The following SLC4A4 variants were observed in gnomAD, a reference collection of about 807,000 sequenced individuals.
The protein encoded by SLC4A4 is electrogenic sodium bicarbonate cotransporter 1.
Under a neutral mutation model 111.5 loss-of-function variants are expected in SLC4A4, and 27 were observed. That is an observed-to-expected ratio of 0.24 (90% confidence interval 0.18 to 0.33). SLC4A4 has a LOEUF of 0.33. Among genes scored for constraint, SLC4A4 ranks in the 10% least tolerant of loss-of-function variants. The probability of loss-of-function intolerance (pLI) is 1.00; values close to 1 mark genes in which losing one functional copy is unlikely to be tolerated. For missense variants in SLC4A4, 909 were observed against 1,315.5 expected, an observed-to-expected ratio of 0.69 and a Z score of 4.78; for synonymous variants, 443 against 463.4, an observed-to-expected ratio of 0.96 and a Z score of 0.57.
At chr4:71,423,670 C>T (rs1476747042) in intron 7 of SLC4A4, among the ~76,000 whole-genome samples, 3 of 152,080 alleles carry the variant, frequency 2.0e-5, no homozygotes, top group African/African-American at 4.8e-5. Context: ...AGAACAGAGC[C>T]CTCAGAAATA....
chr4:71,207,267 A>G (rs970387604), intron 1 of SLC4A4, among the ~76,000 whole-genome samples: 1 of 152,188 alleles, frequency 6.6e-6, no homozygotes, highest in African/African-American at 2.4e-5. Flanking sequence ...GATTTGTTTT[A>G]TTGACACTAG....
Position 71,497,541 on chromosome 4 carries a change from A to G in SLC4A4, c.2015A>G (p.Lys672Arg), listed in dbSNP as rs764309534. The change falls in exon 16 of 26, where the codon AAG (lysine) becomes AGG (arginine). Residue 672 changes from lysine (K) to arginine (R), a missense_variant. Coordinates refer to ENST00000264485, the MANE Select transcript of SLC4A4 (RefSeq NM_001098484.3). ...TTTGACTGGGCATTTTTGTCGAAGAAGGAGTGTTCAAAATACGGAGGAAAC... is the reference window on the plus strand; with the variant it reads ...TTTGACTGGGCATTTTTGTCGAAGAGGGAGTGTTCAAAATACGGAGGAAAC... Reference protein sequence around the residue: ...TTFDWAFLSKKECSKYGGNLV... With the variant: ...TTFDWAFLSKRECSKYGGNLV... The G allele has an allele frequency of 6.2e-7, 1 of 1,613,640 alleles. No homozygotes were observed. The highest frequency in any genetic ancestry group is 8.5e-7 in the Non-Finnish European group (1 of 1,179,786).
intron 2 of SLC4A4, among the ~76,000 whole-genome samples, chr4:71,162,497 A>G (rs115886921): frequency 0.015 from 2,219 of 152,314 alleles, 22 homozygotes; most frequent in Admixed American, 0.023. Flanking sequence ...AAGCCTAAGC[A>G]GCAGAACTCC....
intron 2 of SLC4A4, among the ~76,000 whole-genome samples, chr4:71,165,621 T>A (rs1560753969): frequency 6.6e-6 from 1 of 152,094 alleles, no homozygotes; most frequent in Non-Finnish European, 1.5e-5. Context: ...GGTTGACAGG[T>A]GCAGCAAACC....
rs183427277 is a variant in SLC4A4 at position 71,241,426 on chromosome 4, C to A, written c.73+4777C>A. ...CCTCAACATTTTACAGACATGAAAT[C>A]ATGACTTAAACCTATTTCTTGCTAG... On this transcript the variant is annotated intron_variant, in intron 2 of 25. Transcript: ENST00000264485. 2.2e-3 allele frequency among the ~76,000 whole-genome samples: 332 copies of A among 152,190 alleles called. 3 individuals carry two copies. Among genetic ancestry groups the A allele is most frequent in the African/African-American group, 7.5e-3 (310 of 41,528 alleles).
intron 2 of SLC4A4, among the ~76,000 whole-genome samples, chr4:71,122,253 C>T (rs1284463986): frequency 6.9e-6 from 1 of 145,790 alleles, no homozygotes; most frequent in East Asian, 2.0e-4. Context: ...ACAGAGGTTG[C>T]AGTGAGCCGA....
intron 14 of SLC4A4, among the ~76,000 whole-genome samples, chr4:71,482,098 C>T (rs1333110700): frequency 1.3e-5 from 2 of 151,606 alleles, no homozygotes; most frequent in Non-Finnish European, 3.0e-5. Flanking sequence ...CACCTGGATC[C>T]AAATGGTAAC....
intron 5 of SLC4A4, 111 bp downstream of exon 5, chr4:71,350,183 T>G: frequency 1.8e-6 from 2 of 1,086,184 alleles, no homozygotes; most frequent in Non-Finnish European, 2.8e-6. Context: ...TTTATAACAT[T>G]TATTCTCTCT....
At chr4:71,120,042 A>G (rs1743373383) in intron 2 of SLC4A4, among the ~76,000 whole-genome samples, 1 of 152,100 alleles carries the variant, frequency 6.6e-6, no homozygotes, top group Admixed American at 6.5e-5. Flanking sequence ...TTTTAAACAT[A>G]GTGAATTTTT....
intron 14 of SLC4A4, among the ~76,000 whole-genome samples, chr4:71,478,069 A>G (rs1728532128): frequency 6.6e-6 from 1 of 152,008 alleles, no homozygotes; most frequent in Admixed American, 6.6e-5. Flanking sequence ...ATGAGATACC[A>G]TTTCAGGCCA....
chr4:71,494,643 C>A (rs78183592), intron 15 of SLC4A4, among the ~76,000 whole-genome samples: 2 of 152,036 alleles, frequency 1.3e-5, no homozygotes, highest in East Asian at 3.9e-4. Context: ...CTGATTTAAC[C>A]GTTTAAACAG....
intron 18 of SLC4A4, among the ~76,000 whole-genome samples, chr4:71,540,799 T>C (rs1734974999): frequency 6.6e-6 from 1 of 152,160 alleles, no homozygotes; most frequent in Non-Finnish European, 1.5e-5. Context: ...TAAAGAATCA[T>C]TTCCTATCCA....
chr4:71,499,074 A>AT (rs35812881), intron 16 of SLC4A4, among the ~76,000 whole-genome samples: 87,192 of 150,250 alleles, frequency 0.58, 28,044 homozygotes, highest in Non-Finnish European at 0.74. Flanking sequence ...TTTGAGGACA[A>AT]TTTTTTTTTT....
intron 14 of SLC4A4, among the ~76,000 whole-genome samples, chr4:71,483,241 G>A (rs1050651317): frequency 1.3e-5 from 2 of 151,502 alleles, no homozygotes; most frequent in Non-Finnish European, 3.0e-5. Flanking sequence ...TGTGCCATGG[G>A]GGGTTGTTTT....
At position 71,440,599 on chromosome 4, in the gene SLC4A4, T is replaced by C. The variant is rs765362421; in HGVS notation, c.808-17T>C. 2 of 1,614,098 alleles carry C rather than the reference T, an allele frequency of 1.2e-6. No individual in the cohort carries two copies. The highest frequency in any genetic ancestry group is 3.3e-5 in the Admixed American group (2 of 60,022). ...CTTGTGGAACTAAATTGTGTTTCCT[T>C]GGTTCTTCTCATGCAGCTGAAGAAT... On this transcript the variant is annotated splice_polypyrimidine_tract_variant and intron_variant, in intron 7 of 25. Coordinates refer to ENST00000264485, the MANE Select transcript of SLC4A4 (RefSeq NM_001098484.3).
At chr4:71,340,431 ATTG>A (rs1414287791) in intron 4 of SLC4A4, among the ~76,000 whole-genome samples, 3 of 152,152 alleles carry the variant, frequency 2.0e-5, no homozygotes, top group Non-Finnish European at 2.9e-5. Context: ...ATTATTAATT[ATTG>A]TTGTTAGTCC....
chr4:71,206,910 A>C (rs1254731624), intron 1 of SLC4A4, among the ~76,000 whole-genome samples: 2 of 152,108 alleles, frequency 1.3e-5, no homozygotes, highest in Admixed American at 1.3e-4. Context: ...CGAATCATGC[A>C]GTGGTTAAGT....
intron 17 of SLC4A4, 66 bp downstream of exon 17, chr4:71,532,241 T>G: frequency 1.0e-6 from 1 of 986,168 alleles, no homozygotes; most frequent in Non-Finnish European, 1.6e-6. Flanking sequence ...CTATTCTAAT[T>G]TATTGTGTTT....
intron 1 of SLC4A4, among the ~76,000 whole-genome samples, chr4:71,088,220 A>G (rs1320137412): frequency 1.4e-5 from 2 of 147,378 alleles, no homozygotes; most frequent in Non-Finnish European, 3.0e-5. Context: ...AGAGACTCGG[A>G]TTGCAATACC....
Sources: allele counts gnomAD v4.1 joint callset (sites outside exome capture counted in the v4.1 genomes callset), GRCh38; gene constraint gnomAD v4.1.1; transcripts MANE v1.5; gene names NCBI Gene and HGNC (gene_info 2026-07-23, HGNC 2026-07-21).